The following SORCS2 variants were observed in gnomAD, a reference collection of about 807,000 sequenced individuals.
SORCS2 encodes the protein VPS10 domain-containing receptor SorCS2.
In SORCS2, 100 loss-of-function variants were observed where a neutral mutation model predicts 141.6. The observed-to-expected ratio is 0.71, with a 90% CI of 0.60 to 0.83. The LOEUF (loss-of-function observed/expected upper bound fraction) is 0.83, where lower values mean the gene tolerates loss of function less well. SORCS2 is among the 40% of genes least tolerant of loss of function. SORCS2 has a pLI of 0.00. For synonymous variants in SORCS2, 789 were observed against 676.9 expected (o/e 1.17, Z -2.57); for missense variants, 1,646 against 1,560.2 (o/e 1.05, Z -0.93).
At chr4:7,300,585 C>T (rs538284181) in intron 1 of SORCS2, among the ~76,000 whole-genome samples, 3 of 152,304 alleles carry the variant, frequency 2.0e-5, no homozygotes, top group South Asian at 2.1e-4. Context: ...GTTCTCACGG[C>T]GACCTTTGGA....
intron 2 of SORCS2, among the ~76,000 whole-genome samples, chr4:7,513,082 A>T (rs564575500): frequency 8.0e-4 from 116 of 144,628 alleles, no homozygotes; most frequent in Admixed American, 5.2e-3. Context: ...AGCCTGAAGA[A>T]TCAGACAGAC....
At chr4:7,707,437 G>A (rs1396985763) in intron 14 of SORCS2, among the ~76,000 whole-genome samples, 2 of 152,224 alleles carry the variant, frequency 1.3e-5, no homozygotes, top group Non-Finnish European at 2.9e-5. Flanking sequence ...CTGAGATTGC[G>A]TGGGGCACAA....
At chr4:7,239,233 C>T (rs531059479) in intron 1 of SORCS2, among the ~76,000 whole-genome samples, 4 of 152,364 alleles carry the variant, frequency 2.6e-5, no homozygotes, top group East Asian at 1.9e-4. Flanking sequence ...TCCTCACTCA[C>T]GGGCTGCCCG....
rs144933241 is a variant in SORCS2, at chr4:7,543,487, TCATC to T, written c.648+11888_648+11891del. Among the ~76,000 whole-genome samples, 1,130 of 114,136 alleles carry T rather than the reference TCATC, an allele frequency of 9.9e-3. 24 individuals are homozygous for T. The highest frequency in any genetic ancestry group is 0.023 in the African/African-American group (626 of 27,660). The allele number at this position is 114,136 out of a possible 152,430, so 74.9% of individuals were successfully genotyped here. ...TCCACCCACCCATCCATTCACCCACTCATCCATCCATCCATCCATCCATCCATCC... is the reference window on the plus strand; with the variant it reads ...TCCACCCACCCATCCATTCACCCACTCATCCATCCATCCATCCATCCATCC... On this transcript the variant is annotated intron_variant, in intron 3 of 26. Coordinates refer to ENST00000507866, the MANE Select transcript of SORCS2 (RefSeq NM_020777.3).
intron 1 of SORCS2, among the ~76,000 whole-genome samples, chr4:7,363,244 CCAT>C (rs1721700803): frequency 6.7e-6 from 1 of 149,218 alleles, no homozygotes; most frequent in Non-Finnish European, 1.5e-5. Flanking sequence ...ACCACCATCA[CCAT>C]CATCACCATC....
intron 2 of SORCS2, among the ~76,000 whole-genome samples, chr4:7,524,834 AT>A (rs1733567831): frequency 6.6e-6 from 1 of 151,916 alleles, no homozygotes; most frequent in Non-Finnish European, 1.5e-5. Context: ...TCTAACCACG[AT>A]CCAAGAGTCT....
intron 1 of SORCS2, among the ~76,000 whole-genome samples, chr4:7,355,378 A>G (rs1217196727): frequency 2.0e-5 from 3 of 152,192 alleles, no homozygotes; most frequent in South Asian, 4.1e-4. Flanking sequence ...TACACAACCT[A>G]TATTTGTCAG....
intron 3 of SORCS2, among the ~76,000 whole-genome samples, chr4:7,570,911 G>A (rs1715346678): frequency 6.6e-6 from 1 of 152,192 alleles, no homozygotes; most frequent in Admixed American, 6.5e-5. Flanking sequence ...TGGGGGAGGG[G>A]CCGAGTCTCC....
intron 1 of SORCS2, among the ~76,000 whole-genome samples, chr4:7,385,385 C>T (rs1347530620): frequency 6.6e-6 from 1 of 152,204 alleles, no homozygotes; most frequent in African/African-American, 2.4e-5. Flanking sequence ...CTGGCTTCCT[C>T]AGGGACCACA....
intron 3 of SORCS2, among the ~76,000 whole-genome samples, chr4:7,636,798 G>A (rs1720286237): frequency 6.6e-6 from 1 of 152,084 alleles, no homozygotes; most frequent in Non-Finnish European, 1.5e-5. Context: ...GTTTCTTGGG[G>A]TTGCCGTTGC....
At chr4:7,235,239 A>G (rs1450244771) in intron 1 of SORCS2, among the ~76,000 whole-genome samples, 1 of 152,242 alleles carries the variant, frequency 6.6e-6, no homozygotes, top group Admixed American at 6.5e-5. Context: ...CGCACCAGTT[A>G]GTACCCCACC....
chr4:7,580,320 A>G (rs994817076), intron 3 of SORCS2, among the ~76,000 whole-genome samples: 1 of 152,046 alleles, frequency 6.6e-6, no homozygotes, highest in Non-Finnish European at 1.5e-5. Flanking sequence ...CATCTCTACT[A>G]AAAAGATGCA....
rs1445570573 is a variant in SORCS2, at chr4:7,603,717, T to A, written c.649-34611T>A. ...TTACAGAGCCTCATTTCCTGGTATA[T>A]TTTGTCATTTTTCATAGTGAGGTCA... On this transcript the variant is annotated intron_variant, in intron 3 of 26. Coordinates refer to ENST00000507866, the MANE Select transcript of SORCS2 (RefSeq NM_020777.3). Among the ~76,000 whole-genome samples the A allele has an allele frequency of 3.3e-5, 5 of 152,218 alleles. No individual in the cohort carries two copies. In the East Asian group the frequency reaches 9.7e-4, roughly 29 times the overall value.
At chr4:7,540,697 A>C (rs1712565732) in intron 3 of SORCS2, among the ~76,000 whole-genome samples, 1 of 152,150 alleles carries the variant, frequency 6.6e-6, no homozygotes, top group Non-Finnish European at 1.5e-5. Flanking sequence ...GTCATGAGGG[A>C]GGGCGGGGGA....
At chr4:7,725,664 T>A (rs552499650) in intron 20 of SORCS2, among the ~76,000 whole-genome samples, 1 of 152,156 alleles carries the variant, frequency 6.6e-6, no homozygotes, top group African/African-American at 2.4e-5. Context: ...GAAGAAGAGG[T>A]CAAGGGGGCT....
chr4:7,644,329 T>C (rs928063766), intron 4 of SORCS2, among the ~76,000 whole-genome samples: 2 of 152,208 alleles, frequency 1.3e-5, no homozygotes, highest in Admixed American at 1.3e-4. Context: ...CACCGGAATG[T>C]GGAGTCCAGC....
chr4:7,617,665 G>T (rs1286826727), intron 3 of SORCS2, among the ~76,000 whole-genome samples: 1 of 152,222 alleles, frequency 6.6e-6, no homozygotes, highest in Admixed American at 6.5e-5. Context: ...CCTTTGGAGG[G>T]TGTATAGGAG....
intron 1 of SORCS2, among the ~76,000 whole-genome samples, chr4:7,230,680 C>G (rs62289715): frequency 1.8e-3 from 145 of 80,298 alleles, no homozygotes; most frequent in African/African-American, 2.2e-3. Flanking sequence ...GTCTTCGAGT[C>G]TCTGGGCAGG....
At position 7,594,762 on chromosome 4, in the gene SORCS2, G is replaced by A. The variant is rs564599816; in HGVS notation, c.649-43566G>A. 9.2e-5 allele frequency among the ~76,000 whole-genome samples: 14 copies of A among 152,230 alleles called. No individual in the cohort carries two copies. In the East Asian group the frequency reaches 1.9e-3, roughly 21 times the overall value. On this transcript the variant is annotated intron_variant, in intron 3 of 26. Transcript: ENST00000507866. ...AGTTCAACATCTGGGTCTGGACCAC[G>A]CTTCCACCGCTGTTCAATGCTCATC...
Sources: allele counts gnomAD v4.1 joint callset (sites outside exome capture counted in the v4.1 genomes callset), GRCh38; gene constraint gnomAD v4.1.1; transcripts MANE v1.5; gene names NCBI Gene and HGNC (gene_info 2026-07-23, HGNC 2026-07-21).